The following ABHD12 variants were observed in gnomAD, a reference collection of about 807,000 sequenced individuals.
The protein encoded by ABHD12 is lysophosphatidylserine lipase ABHD12.
In ABHD12, 43 loss-of-function variants were observed where a neutral mutation model predicts 58.3. The observed-to-expected ratio is 0.74, with a 90% CI of 0.58 to 0.95. The LOEUF (loss-of-function observed/expected upper bound fraction) is 0.95. ABHD12 is among the 40% of genes least tolerant of loss of function. ABHD12 has a pLI of 0.00. For synonymous variants in ABHD12, 219 were observed against 211.2 expected, an observed-to-expected ratio of 1.04 and a Z score of -0.32; for missense variants, 539 against 537.2, an observed-to-expected ratio of 1.00 and a Z score of -0.03.
chr20:25,358,370 ATTC>A (rs1302734351), intron 1 of ABHD12, among the ~76,000 whole-genome samples: 3 of 152,332 alleles, frequency 2.0e-5, no homozygotes, highest in South Asian at 2.1e-4. Flanking sequence ...GTCAGTGACT[ATTC>A]TTCTAAAATT....
chr20:25,334,529 G>A (rs1456175034), intron 2 of ABHD12, among the ~76,000 whole-genome samples: 2 of 152,192 alleles, frequency 1.3e-5, no homozygotes, highest in African/African-American at 4.8e-5. Context: ...AAAGCTGGAG[G>A]CATCACACTA....
downstream of ABHD12, chr20:25,296,477 G>C (rs1457762145): frequency 6.8e-6 from 11 of 1,613,744 alleles, no homozygotes; most frequent in African/African-American, 4.0e-5. Flanking sequence ...GGGGTGTGGA[G>C]CCCTCCGACC....
chr20:25,325,391 G>T (rs1226369816), intron 2 of ABHD12, among the ~76,000 whole-genome samples: 1 of 152,126 alleles, frequency 6.6e-6, no homozygotes, highest in Non-Finnish European at 1.5e-5. Context: ...TATGTTCAAG[G>T]CCTCACCCCC....
At chr20:25,382,124 A>T (rs1013138894) in intron 1 of ABHD12, among the ~76,000 whole-genome samples, 1 of 152,210 alleles carries the variant, frequency 6.6e-6, no homozygotes, top group African/African-American at 2.4e-5. Flanking sequence ...AAACAAACTC[A>T]GAGTGTTACA....
intron 2 of ABHD12, among the ~76,000 whole-genome samples, chr20:25,329,263 C>T (rs997316112): frequency 1.6e-4 from 24 of 152,216 alleles, no homozygotes; most frequent in African/African-American, 4.6e-4. Flanking sequence ...CTGGGCGGTG[C>T]GCCCCTTCAT....
downstream of ABHD12, chr20:25,295,643 C>T (rs767101832): frequency 1.9e-6 from 3 of 1,614,040 alleles, no homozygotes; most frequent in Middle Eastern, 3.3e-4. Flanking sequence ...ACATGCAGTG[C>T]CAGGCACAGG....
downstream of ABHD12, chr20:25,300,082 G>C: frequency 3.2e-6 from 2 of 616,504 alleles, no homozygotes; most frequent in Non-Finnish European, 4.1e-6. Flanking sequence ...CTGAGCTGCT[G>C]GGACTAGAAA....
intron 2 of ABHD12, among the ~76,000 whole-genome samples, chr20:25,334,975 A>G (rs2089339099): frequency 1.3e-5 from 2 of 152,152 alleles, no homozygotes; most frequent in African/African-American, 4.8e-5. Flanking sequence ...TTAACTAAAG[A>G]GCTTCTGCAC....
chr20:25,380,882 A>G (rs1439421497), intron 1 of ABHD12, among the ~76,000 whole-genome samples: 1 of 152,188 alleles, frequency 6.6e-6, no homozygotes, highest in Non-Finnish European at 1.5e-5. Flanking sequence ...CAATATGTCC[A>G]AAACCAAACA....
intron 6 of ABHD12, among the ~76,000 whole-genome samples, chr20:25,311,591 T>C (rs1379532688): frequency 6.6e-6 from 1 of 152,058 alleles, no homozygotes; most frequent in African/African-American, 2.4e-5. Context: ...CCCTCCCATA[T>C]CTCCTCTTGG....
At chr20:25,389,623 A>G (rs1451680935) in intron 1 of ABHD12, among the ~76,000 whole-genome samples, 4 of 152,160 alleles carry the variant, frequency 2.6e-5, no homozygotes, top group Non-Finnish European at 5.9e-5. Context: ...CCTATGAAAC[A>G]CGTTCCCATC....
At chr20:25,316,997 G>T in intron 5 of ABHD12, 51 bp downstream of exon 5, 2 of 1,570,810 alleles carry the variant, frequency 1.3e-6, no homozygotes, top group South Asian at 1.1e-5. Flanking sequence ...TTCACTTCCT[G>T]CCCTGGAAAG....
intron 12 of ABHD12, 73 bp from the exon 13 acceptor site, chr20:25,300,957 G>T: frequency 6.7e-7 from 1 of 1,484,900 alleles, no homozygotes; most frequent in Non-Finnish European, 9.3e-7. Context: ...TCCTCACACT[G>T]CTATCTAAGG....
At chr20:25,323,246 A>G (rs117369037) in intron 3 of ABHD12, 79 bp downstream of exon 3, 32 of 873,634 alleles carry the variant, frequency 3.7e-5, no homozygotes, top group Admixed American at 3.4e-4. Context: ...TCAGAGGCCA[A>G]TGTCAAAGAC....
At chr20:25,301,608 G>C (rs2088636827) in intron 12 of ABHD12, among the ~76,000 whole-genome samples, 1 of 152,248 alleles carries the variant, frequency 6.6e-6, no homozygotes. Context: ...CCTCTGACAG[G>C]CAGGTAGGCG....
chr20:25,376,159 T>C (rs935013881), intron 1 of ABHD12, among the ~76,000 whole-genome samples: 27 of 152,114 alleles, frequency 1.8e-4, no homozygotes, highest in Admixed American at 5.9e-4. Flanking sequence ...CTACAATTAG[T>C]TTTCATCAAC....
At chr20:25,358,484 C>A (rs964308293) in intron 1 of ABHD12, among the ~76,000 whole-genome samples, 35 of 152,204 alleles carry the variant, frequency 2.3e-4, no homozygotes, top group African/African-American at 8.2e-4. Context: ...TTGTGAAGGC[C>A]TCCTAACATT....
intron 1 of ABHD12, among the ~76,000 whole-genome samples, chr20:25,361,579 T>G (rs917605407): frequency 6.6e-6 from 1 of 152,226 alleles, no homozygotes; most frequent in African/African-American, 2.4e-5. Flanking sequence ...AAATAAAAGT[T>G]TATCCTGTTC....
At chr20:25,341,935 A>G (rs1047948685) in intron 1 of ABHD12, among the ~76,000 whole-genome samples, 4 of 152,052 alleles carry the variant, frequency 2.6e-5, no homozygotes, top group Non-Finnish European at 4.4e-5. Flanking sequence ...TCCCTCCCAC[A>G]ATCTACTTAC....
Sources: gnomAD v4.1 joint callset for allele counts (sites outside exome capture counted in the v4.1 genomes callset) on GRCh38, gnomAD v4.1.1 for gene constraint, MANE v1.5 for transcripts, NCBI Gene and HGNC (gene_info 2026-07-23, HGNC 2026-07-21) for gene names.